DEPDC5: variants seen among roughly 807,000 people sequenced by gnomAD.
DEPDC5 encodes GATOR1 complex protein DEPDC5.
Under a neutral mutation model 217.3 loss-of-function variants are expected in DEPDC5, and 73 were observed. The observed-to-expected ratio is 0.34, with a 90% CI of 0.28 to 0.41. The LOEUF is 0.41. Among genes scored for constraint, DEPDC5 ranks in the 10% least tolerant of loss-of-function variants. The pLI is 1.00. For synonymous variants in DEPDC5, 733 were observed against 756.7 expected (o/e 0.97, Z 0.51); for missense variants, 1,675 against 2,070.1 (o/e 0.81, Z 3.70).
Position 31,754,022 on chromosome 22 carries a change from C to G in DEPDC5, c.-203C>G, listed in dbSNP as rs1601541226. The G allele has an allele frequency of 7.0e-6, 1 of 143,276 alleles. No homozygotes were observed. The highest frequency in any genetic ancestry group is 2.6e-5 in the African/African-American group (1 of 38,052). The allele number at this position is 143,276 out of a possible 1,614,324, so 8.9% of individuals were successfully genotyped here. A position where few individuals can be genotyped will look rare whatever the true frequency, so the allele number is the denominator to read the frequency against. On this transcript the variant is annotated 5_prime_UTR_variant, in exon 1 of 43. Transcript: ENST00000651528. Reference sequence around the variant, plus strand: ...GTGAGCGCTACACGGTCGGGGCGGGCCTAGTAGGCGCTTCAGGCTTAGGGG... The same window carrying G: ...GTGAGCGCTACACGGTCGGGGCGGGGCTAGTAGGCGCTTCAGGCTTAGGGG...
intron 10 of DEPDC5, among the ~76,000 whole-genome samples, chr22:31,788,687 C>T (rs1388949863): frequency 6.6e-6 from 1 of 151,854 alleles, no homozygotes; most frequent in Non-Finnish European, 1.5e-5. Flanking sequence ...AGTTCTCCTG[C>T]TTCAGCCTCC....
intron 6 of DEPDC5, among the ~76,000 whole-genome samples, chr22:31,767,412 C>T (rs2082913833): frequency 6.6e-6 from 1 of 152,094 alleles, no homozygotes; most frequent in Non-Finnish European, 1.5e-5. Flanking sequence ...TCTCCTGCCT[C>T]AGCCTCCGCA....
Position 31,821,653 on chromosome 22 carries a change from G to T in DEPDC5, c.2006+16G>T. ...CTGCTGGAAGGTGAGGATGTGCACA[G>T]GGCTCTGGAAGGTAACCTGAGAACA... On this transcript the variant is annotated intron_variant, in intron 23 of 42. Coordinates refer to ENST00000651528, the MANE Select transcript of DEPDC5 (RefSeq NM_001242896.3). The T allele has an allele frequency of 6.2e-7, 1 of 1,609,084 alleles. No homozygotes were observed. Among genetic ancestry groups the T allele is most frequent in the African/African-American group, 1.3e-5 (1 of 74,992 alleles).
intron 14 of DEPDC5, among the ~76,000 whole-genome samples, chr22:31,801,345 C>G (rs1008232592): frequency 2.0e-5 from 3 of 152,022 alleles, no homozygotes; most frequent in African/African-American, 7.2e-5. Context: ...AACCATGTTA[C>G]TAGAATTTGA....
intron 4 of DEPDC5, among the ~76,000 whole-genome samples, chr22:31,763,642 C>T (rs2148076244): frequency 6.6e-6 from 1 of 151,142 alleles, no homozygotes. Context: ...AATTTTTGCT[C>T]AGGCTGGTCT....
At chr22:31,902,436 ACT>A (rs1291991314) in intron 41 of DEPDC5, among the ~76,000 whole-genome samples, 190 of 117,502 alleles carry the variant, frequency 1.6e-3, no homozygotes, top group East Asian at 5.3e-3. Context: ...ATATATATAT[ACT>A]TATATATACT....
rs555110275 is a variant in DEPDC5 at position 31,768,046 on chromosome 22, C to T, written c.364-768C>T. ...AGGTGTGAGCCAGTGCACCCGGCCC[C>T]ATTTTTTAAAAAAAAATATTTTTAT... is the stretch of plus-strand genomic sequence containing the variant. On this transcript the variant is annotated intron_variant, in intron 6 of 42. Coordinates refer to ENST00000651528, the MANE Select transcript of DEPDC5 (RefSeq NM_001242896.3). Among the ~76,000 whole-genome samples the T allele has an allele frequency of 2.0e-5, 3 of 150,958 alleles. No homozygotes were observed. In the South Asian group the frequency reaches 6.2e-4, roughly 31 times the overall value.
chr22:31,902,718 G>C (rs755787898), intron 41 of DEPDC5, among the ~76,000 whole-genome samples: 14 of 152,136 alleles, frequency 9.2e-5, no homozygotes, highest in Non-Finnish European at 2.1e-4. Context: ...CCAGCATCTG[G>C]CTGAGGAACC....
chr22:31,837,352 CTTTTTTTTTTTT>C, intron 26 of DEPDC5, 197 bp downstream of exon 26: 1 of 544,510 alleles, frequency 1.8e-6, no homozygotes, highest in Non-Finnish European at 3.0e-6. Context: ...TTTTTTTTTC[CTTTTTTTTTTTT>C]AACTGAGAGA....
intron 5 of DEPDC5, 102 bp downstream of exon 5, chr22:31,765,162 C>A: frequency 1.1e-6 from 1 of 910,152 alleles, no homozygotes; most frequent in Non-Finnish European, 1.8e-6. Flanking sequence ...TAGTGTTAGC[C>A]TATTAAATGT....
At position 31,832,011 on chromosome 22, in the gene DEPDC5, G is replaced by A. The variant is rs184643425; in HGVS notation, c.2105-1904G>A. Among the ~76,000 whole-genome samples the A allele has an allele frequency of 2.9e-3, 440 of 152,260 alleles. 2 individuals are homozygous for A. Among genetic ancestry groups the A allele is most frequent in the African/African-American group, 9.1e-3 (379 of 41,556 alleles). Reference sequence around the variant, plus strand: ...ACCTTTCCCAGCATGTAACATACATGGAATCATACAGTATGTAATTTTTTG... The same window carrying A: ...ACCTTTCCCAGCATGTAACATACATAGAATCATACAGTATGTAATTTTTTG... On this transcript the variant is annotated intron_variant, in intron 24 of 42. Coordinates refer to ENST00000651528, the MANE Select transcript of DEPDC5 (RefSeq NM_001242896.3).
At chr22:31,802,124 A>ATTTTTT (rs761007210) in intron 14 of DEPDC5, among the ~76,000 whole-genome samples, 1 of 126,898 alleles carries the variant, frequency 7.9e-6, no homozygotes, top group Non-Finnish European at 1.7e-5. Flanking sequence ...AACAGCATGA[A>ATTTTTT]TTTTTTTTTT....
chr22:31,763,342 C>G (rs181980446), intron 4 of DEPDC5, among the ~76,000 whole-genome samples: 1 of 151,912 alleles, frequency 6.6e-6, no homozygotes, highest in Non-Finnish European at 1.5e-5. Context: ...CCAGGCTGGT[C>G]TCAAATTCCT....
chr22:31,861,505 C>G, intron 33 of DEPDC5, 72 bp downstream of exon 33: 2 of 1,489,790 alleles, frequency 1.3e-6, no homozygotes, highest in Non-Finnish European at 1.8e-6. Flanking sequence ...CTGTTAGGCT[C>G]TGAACACATG....
chr22:31,891,130 A>T (rs2093430249), intron 38 of DEPDC5: 1 of 452,378 alleles, frequency 2.2e-6, no homozygotes, highest in Non-Finnish European at 4.1e-6. Flanking sequence ...TGACAGGCTG[A>T]GCAAGGAATG....
intron 12 of DEPDC5, among the ~76,000 whole-genome samples, 177 bp downstream of exon 12, chr22:31,792,994 T>A (rs1335523658): frequency 1.3e-5 from 2 of 151,106 alleles, no homozygotes. Flanking sequence ...CACTTGAGCC[T>A]GGGAGGTGGA....
At chr22:31,905,502 C>T (rs948610961) in intron 41 of DEPDC5, among the ~76,000 whole-genome samples, 2 of 151,794 alleles carry the variant, frequency 1.3e-5, no homozygotes, top group African/African-American at 2.4e-5. Context: ...TAAGGACCTT[C>T]CCTGGAGGAA....
intron 21 of DEPDC5, among the ~76,000 whole-genome samples, chr22:31,818,419 T>C (rs1169723494): frequency 2.0e-5 from 3 of 152,172 alleles, no homozygotes; most frequent in Non-Finnish European, 4.4e-5. Context: ...ATTGGTCTCC[T>C]GGGTTGCCAC....
rs569472689 is a variant in DEPDC5 at position 31,834,807 on chromosome 22, C to T, written c.2170+827C>T. Among the ~76,000 whole-genome samples the T allele has an allele frequency of 2.6e-5, 4 of 152,050 alleles. 1 individual carries two copies. In the South Asian group the frequency reaches 8.3e-4, roughly 32 times the overall value. On this transcript the variant is annotated intron_variant, in intron 25 of 42. Coordinates refer to ENST00000651528, the MANE Select transcript of DEPDC5 (RefSeq NM_001242896.3). ...GCCTCCCAAAGTGCTGTGATTACAG[C>T]CGTGAGCCACCTCGCCCAGCCTTTG... is the stretch of plus-strand genomic sequence containing the variant.
Sources: gnomAD v4.1 joint callset for allele counts (sites outside exome capture counted in the v4.1 genomes callset) on GRCh38, gnomAD v4.1.1 for gene constraint, MANE v1.5 for transcripts, NCBI Gene and HGNC (gene_info 2026-07-23, HGNC 2026-07-21) for gene names.